The following UST variants were observed in gnomAD, a reference collection of about 807,000 sequenced individuals.
UST encodes the protein uronyl 2-sulfotransferase.
In UST, 21 loss-of-function variants were observed where a neutral mutation model predicts 45.6. The observed-to-expected ratio is 0.46, with a 90% CI of 0.33 to 0.66. The LOEUF (loss-of-function observed/expected upper bound fraction) is 0.66, where lower values mean the gene tolerates loss of function less well. UST is among the 30% of genes least tolerant of loss of function. The probability of loss-of-function intolerance (pLI) is 0.02; values close to 1 mark genes in which losing one functional copy is unlikely to be tolerated. For missense variants in UST, 463 were observed against 512.4 expected (o/e 0.90, Z 0.93); for synonymous variants, 215 against 200.6 (o/e 1.07, Z -0.61).
intron 1 of UST, among the ~76,000 whole-genome samples, chr6:148,881,112 C>T (rs1257646315): frequency 3.3e-5 from 5 of 152,098 alleles, no homozygotes; most frequent in Non-Finnish European, 5.9e-5. Flanking sequence ...TATGTAACCA[C>T]CACCATCTGC....
Position 148,995,266 on chromosome 6 carries a change from G to A in UST, c.682-23873G>A, listed in dbSNP as rs545478553. Among the ~76,000 whole-genome samples the A allele has an allele frequency of 7.9e-5, 12 of 152,208 alleles. No homozygotes were observed. The East Asian group carries it at 1.2e-3, about 15-fold the overall frequency. ...TCGAACTCCTGGCCTCAAGTGATCC[G>A]CCCGCCTCGGCCTCCCAAAGTGCTG... On this transcript the variant is annotated intron_variant, in intron 5 of 7. Coordinates refer to ENST00000367463, the MANE Select transcript of UST (RefSeq NM_005715.3).
intron 1 of UST, among the ~76,000 whole-genome samples, chr6:148,886,772 G>A (rs1282426715): frequency 6.6e-6 from 1 of 152,152 alleles, no homozygotes; most frequent in African/African-American, 2.4e-5. Context: ...ACATAACCAT[G>A]TATGTAGAAT....
At chr6:149,056,117 C>CTTTTTTTTTTTTTTTTTTTTTTTT (rs34191810) in intron 7 of UST, among the ~76,000 whole-genome samples, 1 of 81,086 alleles carries the variant, frequency 1.2e-5, no homozygotes, top group African/African-American at 5.1e-5. Context: ...CTTTTCTTTT[C>CTTTTTTTTTTTTTTTTTTTTTTTT]TTTTTTTTTT....
At chr6:149,033,942 G>A (rs915960335) in intron 7 of UST, among the ~76,000 whole-genome samples, 5 of 152,096 alleles carry the variant, frequency 3.3e-5, no homozygotes, top group African/African-American at 7.2e-5. Flanking sequence ...CACTTTCAGC[G>A]CAGCTAGATG....
chr6:148,754,102 C>G (rs901606609), intron 1 of UST, among the ~76,000 whole-genome samples: 3 of 151,650 alleles, frequency 2.0e-5, no homozygotes, highest in Admixed American at 6.6e-5. Flanking sequence ...ACACGCCATT[C>G]TCCTGCCTCA....
chr6:148,900,241 G>A (rs973405635), intron 2 of UST, among the ~76,000 whole-genome samples: 12 of 152,184 alleles, frequency 7.9e-5, no homozygotes, highest in Non-Finnish European at 1.6e-4. Flanking sequence ...CCATCAGAAC[G>A]GCTTGCTCGC....
intron 1 of UST, among the ~76,000 whole-genome samples, chr6:148,760,876 A>G (rs1776204675): frequency 6.6e-6 from 1 of 152,166 alleles, no homozygotes; most frequent in Non-Finnish European, 1.5e-5. Context: ...AAGAGGAGAC[A>G]CGGCTGGCCA....
At chr6:148,775,010 G>A (rs970705687) in intron 1 of UST, among the ~76,000 whole-genome samples, 1 of 151,814 alleles carries the variant, frequency 6.6e-6, no homozygotes, top group African/African-American at 2.4e-5. Context: ...GACAGAGTGA[G>A]ACTTCATCTC....
At chr6:148,783,236 C>T (rs1465462507) in intron 1 of UST, among the ~76,000 whole-genome samples, 2 of 152,156 alleles carry the variant, frequency 1.3e-5, no homozygotes, top group African/African-American at 2.4e-5. Flanking sequence ...TATTATTGCA[C>T]ACTTAATAGA....
At chr6:148,905,982 T>C (rs1159281723) in intron 2 of UST, among the ~76,000 whole-genome samples, 1 of 152,248 alleles carries the variant, frequency 6.6e-6, no homozygotes, top group Non-Finnish European at 1.5e-5. Context: ...ATGGAACATA[T>C]TTTATACATC....
chr6:148,904,091 A>G (rs947952173), intron 2 of UST, among the ~76,000 whole-genome samples: 1 of 152,240 alleles, frequency 6.6e-6, no homozygotes, highest in Non-Finnish European at 1.5e-5. Context: ...ATCAAAGCCT[A>G]TAAAATCAGA....
chr6:148,759,130 G>T (rs1018297666), intron 1 of UST, among the ~76,000 whole-genome samples: 2 of 152,098 alleles, frequency 1.3e-5, no homozygotes, highest in Non-Finnish European at 2.9e-5. Context: ...AGCTGTTTCC[G>T]TTCCTTAGGA....
chr6:148,879,469 G>A (rs1329932987), intron 1 of UST, among the ~76,000 whole-genome samples: 1 of 152,212 alleles, frequency 6.6e-6, no homozygotes, highest in Non-Finnish European at 1.5e-5. Context: ...TGGCTAGACA[G>A]TAGAATTATG....
intron 1 of UST, among the ~76,000 whole-genome samples, chr6:148,777,741 T>C (rs1056510053): frequency 6.6e-6 from 1 of 152,162 alleles, no homozygotes; most frequent in African/African-American, 2.4e-5. Flanking sequence ...GAGATGGGGT[T>C]TCACCATGTT....
At chr6:149,037,451 A>G (rs1266772643) in intron 7 of UST, among the ~76,000 whole-genome samples, 1 of 152,208 alleles carries the variant, frequency 6.6e-6, no homozygotes, top group Non-Finnish European at 1.5e-5. Context: ...AACTCAAAGA[A>G]AACACGGAGG....
chr6:148,998,708 T>C (rs1267293412), intron 5 of UST, among the ~76,000 whole-genome samples: 3 of 152,144 alleles, frequency 2.0e-5, no homozygotes, highest in East Asian at 1.9e-4. Flanking sequence ...ATTTTAAGAG[T>C]TTCATCAGCA....
intron 1 of UST, among the ~76,000 whole-genome samples, chr6:148,884,725 T>C (rs2114840996): frequency 6.6e-6 from 1 of 152,224 alleles, no homozygotes; most frequent in East Asian, 1.9e-4. Context: ...ATCTCTCTGG[T>C]TGCTATATGA....
At chr6:148,812,423 A>G (rs186737923) in intron 1 of UST, among the ~76,000 whole-genome samples, 2 of 152,380 alleles carry the variant, frequency 1.3e-5, no homozygotes, top group Admixed American at 6.5e-5. Flanking sequence ...ATCCCAAAAC[A>G]TAACATCTTA....
At chr6:149,001,228 C>T (rs781247575) in intron 5 of UST, among the ~76,000 whole-genome samples, 38 of 152,206 alleles carry the variant, frequency 2.5e-4, no homozygotes, top group African/African-American at 4.8e-4. Context: ...CCTACCACCA[C>T]GCCTGGCTAA....
Sources: gnomAD v4.1 joint callset for allele counts (sites outside exome capture counted in the v4.1 genomes callset) on GRCh38, gnomAD v4.1.1 for gene constraint, MANE v1.5 for transcripts, NCBI Gene and HGNC (gene_info 2026-07-23, HGNC 2026-07-21) for gene names.